Variants in CDH18 observed in about 807,000 individuals in gnomAD.
CDH18 encodes the protein cadherin-18.
CDH18 carries 31 observed loss-of-function variants against 67.9 expected under a neutral mutation model. The ratio of observed to expected loss-of-function variants is 0.46; its 90% CI spans 0.34 to 0.62. The LOEUF is 0.62. Among genes scored for constraint, CDH18 ranks in the 20% least tolerant of loss-of-function variants. CDH18 has a pLI of 0.01. For missense variants in CDH18, 890 were observed against 975.5 expected, an observed-to-expected ratio of 0.91 and a Z score of 1.17; for synonymous variants, 362 against 347.2, an observed-to-expected ratio of 1.04 and a Z score of -0.48.
intron 1 of CDH18, among the ~76,000 whole-genome samples, chr5:20,491,628 C>T (rs948830367): frequency 6.6e-5 from 10 of 152,254 alleles, no homozygotes; most frequent in East Asian, 3.9e-4. Context: ...AGAGCATCAG[C>T]GGCAGAATTT....
At chr5:20,357,961 A>G (rs1741770755) in intron 1 of CDH18, among the ~76,000 whole-genome samples, 1 of 152,202 alleles carries the variant, frequency 6.6e-6, no homozygotes, top group Non-Finnish European at 1.5e-5. Flanking sequence ...ATGGAGTACT[A>G]TGCAGCCATA....
At position 19,800,941 on chromosome 5, in the gene CDH18, A is replaced by AATC. The variant is rs1166648245; in HGVS notation, c.228+37817_228+37818insGAT. Among the ~76,000 whole-genome samples the AATC allele has an allele frequency of 2.6e-5, 4 of 152,266 alleles. No homozygotes were observed. In the East Asian group the frequency reaches 7.7e-4, roughly 29 times the overall value. On this transcript the variant is annotated intron_variant, in intron 3 of 12. Transcript: ENST00000382275. ...CGCGACCAGCCTGGGCAACACGGTGAAGCCCAGTCTTTATTAAAATACAAA... is the reference window on the plus strand; with the variant it reads ...CGCGACCAGCCTGGGCAACACGGTGAATCAGCCCAGTCTTTATTAAAATACAAA...
At chr5:20,284,996 T>G (rs192478142) in intron 1 of CDH18, among the ~76,000 whole-genome samples, 1 of 151,928 alleles carries the variant, frequency 6.6e-6, no homozygotes. Context: ...TTATTTTATG[T>G]TTAAGTCAAT....
At chr5:19,964,349 G>A (rs955227989) in intron 2 of CDH18, among the ~76,000 whole-genome samples, 2 of 151,710 alleles carry the variant, frequency 1.3e-5, no homozygotes, top group Admixed American at 6.6e-5. Context: ...GGAAGGCCAA[G>A]GTGGAAGGAT....
At chr5:20,375,790 A>G (rs543142006) in intron 1 of CDH18, among the ~76,000 whole-genome samples, 8 of 152,048 alleles carry the variant, frequency 5.3e-5, no homozygotes, top group Non-Finnish European at 1.0e-4. Flanking sequence ...TTAAGGTTTC[A>G]TAGGAGACAC....
intron 2 of CDH18, among the ~76,000 whole-genome samples, chr5:20,071,922 G>C (rs934503643): frequency 1.4e-5 from 2 of 141,204 alleles, no homozygotes; most frequent in Non-Finnish European, 3.2e-5. Context: ...GTAAGCTAAA[G>C]AGAAGCCATT....
At chr5:19,582,490 C>T (rs763067539) in intron 7 of CDH18, among the ~76,000 whole-genome samples, 5 of 151,894 alleles carry the variant, frequency 3.3e-5, no homozygotes, top group African/African-American at 7.2e-5. Flanking sequence ...ATAGCGTTTC[C>T]GTGTCAAAGT....
At chr5:19,770,068 A>C (rs1006076402) in intron 3 of CDH18, among the ~76,000 whole-genome samples, 1 of 152,110 alleles carries the variant, frequency 6.6e-6, no homozygotes, top group Non-Finnish European at 1.5e-5. Context: ...TTTAAAAGAC[A>C]TAAGTAGTGG....
intron 3 of CDH18, among the ~76,000 whole-genome samples, chr5:19,832,484 T>C (rs1781161667): frequency 6.6e-6 from 1 of 152,128 alleles, no homozygotes; most frequent in Non-Finnish European, 1.5e-5. Flanking sequence ...ATAGAAAAGA[T>C]ACTTCTCAGC....
chr5:20,431,946 T>G (rs1167060417), intron 1 of CDH18, among the ~76,000 whole-genome samples: 1 of 152,178 alleles, frequency 6.6e-6, no homozygotes. Flanking sequence ...TTTTTCCGTC[T>G]AACCCTAATA....
chr5:19,909,176 A>T (rs16888140), intron 2 of CDH18, among the ~76,000 whole-genome samples: 1,954 of 152,316 alleles, frequency 0.013, 38 homozygotes, highest in African/African-American at 0.045. Context: ...GGTGAACTGA[A>T]ATCCCAATTA....
At chr5:19,481,340 C>T (rs906501208) in intron 12 of CDH18, among the ~76,000 whole-genome samples, 1 of 152,178 alleles carries the variant, frequency 6.6e-6, no homozygotes, top group Non-Finnish European at 1.5e-5. Context: ...GCCATTCTAA[C>T]TCATGCAGGT....
chr5:20,466,148 C>A (rs1462890397), intron 1 of CDH18, among the ~76,000 whole-genome samples: 1 of 151,982 alleles, frequency 6.6e-6, no homozygotes, highest in African/African-American at 2.4e-5. Flanking sequence ...GGCAGCTTTC[C>A]CATTTCCTAA....
At position 19,994,855 on chromosome 5, in the gene CDH18, T is replaced by TATATAG. The variant is rs760777430; in HGVS notation, c.-517-2842_-517-2841insCTATAT. Among the ~76,000 whole-genome samples the TATATAG allele has an allele frequency of 2.9e-3, 197 of 67,576 alleles. 19 individuals are homozygous for TATATAG. Among genetic ancestry groups the TATATAG allele is most frequent in the Non-Finnish European group, 3.6e-3 (142 of 39,460 alleles). 44.3% of individuals were successfully genotyped at this position (67,576 alleles called of 152,430 possible). A position where few individuals can be genotyped will look rare whatever the true frequency, so the allele number is the denominator to read the frequency against. ...ATATATATATATATATATATATATA[T>TATATAG]AGAGAGAGAGAGAGAGAGAGAGATG... On this transcript the variant is annotated intron_variant, in intron 2 of 14. Transcript: ENST00000507958.
chr5:19,967,162 C>T (rs1797529077), intron 2 of CDH18, among the ~76,000 whole-genome samples: 1 of 151,268 alleles, frequency 6.6e-6, no homozygotes, highest in Non-Finnish European at 1.5e-5. Flanking sequence ...CTATAGTAAA[C>T]TAAATAGGAG....
chr5:20,514,701 C>A (rs903679283), intron 1 of CDH18, among the ~76,000 whole-genome samples: 2 of 151,964 alleles, frequency 1.3e-5, no homozygotes, highest in Admixed American at 6.6e-5. Flanking sequence ...TAACATCCTG[C>A]GACTTATGCT....
At chr5:19,822,094 C>T (rs187700512) in intron 3 of CDH18, among the ~76,000 whole-genome samples, 6 of 152,070 alleles carry the variant, frequency 3.9e-5, no homozygotes, top group Non-Finnish European at 7.4e-5. Flanking sequence ...ACAACCGGAT[C>T]AAAACTTCAC....
intron 2 of CDH18, among the ~76,000 whole-genome samples, chr5:19,904,368 G>C (rs1291341945): frequency 1.4e-5 from 2 of 139,254 alleles, no homozygotes; most frequent in Non-Finnish European, 3.1e-5. Context: ...AAGGGAAGGG[G>C]TGGAGAGGGG....
At chr5:19,971,365 C>A (rs1169101634) in intron 2 of CDH18, among the ~76,000 whole-genome samples, 1 of 151,838 alleles carries the variant, frequency 6.6e-6, no homozygotes, top group Non-Finnish European at 1.5e-5. Context: ...CACTTATAAA[C>A]CTAATCAGCA....
Sources: gnomAD v4.1 joint callset for allele counts (sites outside exome capture counted in the v4.1 genomes callset) on GRCh38, gnomAD v4.1.1 for gene constraint, MANE v1.5 for transcripts, NCBI Gene and HGNC (gene_info 2026-07-23, HGNC 2026-07-21) for gene names.